The following MYO16 variants were observed in gnomAD, a reference collection of about 807,000 sequenced individuals.
The protein encoded by MYO16 is myosin XVI, also known as unconventional myosin-XVI.
MYO16 carries 94 observed loss-of-function variants against 205.3 expected under a neutral mutation model. The ratio of observed to expected loss-of-function variants is 0.46; its 90% CI spans 0.39 to 0.54. The LOEUF (loss-of-function observed/expected upper bound fraction) is 0.54, where lower values mean the gene tolerates loss of function less well. MYO16 is among the 20% of genes least tolerant of loss of function. The pLI, the probability that MYO16 is intolerant of heterozygous loss-of-function variation, is 0.00. For missense variants in MYO16, 2,315 were observed against 2,387.5 expected (o/e 0.97, Z 0.63); for synonymous variants, 988 against 954.0 (o/e 1.04, Z -0.66).
chr13:108,839,388 A>G (rs1877113338), intron 9 of MYO16, among the ~76,000 whole-genome samples: 1 of 152,156 alleles, frequency 6.6e-6, no homozygotes, highest in Non-Finnish European at 1.5e-5. Context: ...TGAAATTTTT[A>G]TGAGCATTAT....
chr13:109,018,961 T>G (rs1394217259), intron 22 of MYO16, among the ~76,000 whole-genome samples: 1 of 146,690 alleles, frequency 6.8e-6, no homozygotes, highest in Non-Finnish European at 1.5e-5. Context: ...GGACATACTC[T>G]GTTTTTTTTT....
chr13:108,853,673 G>A (rs909603649), intron 10 of MYO16, among the ~76,000 whole-genome samples: 29 of 147,826 alleles, frequency 2.0e-4, no homozygotes, highest in African/African-American at 6.5e-4. Context: ...CATGACTCAC[G>A]GCAGCCTCAA....
intron 4 of MYO16, among the ~76,000 whole-genome samples, chr13:108,755,963 T>G (rs539368605): frequency 1.3e-5 from 2 of 152,302 alleles, no homozygotes; most frequent in East Asian, 3.9e-4. Context: ...GTTACTTCTG[T>G]GTTATATTGT....
chr13:108,676,842 C>A lies in MYO16; in HGVS notation c.292+10693C>A, dbSNP rs1228505966. Among the ~76,000 whole-genome samples the A allele has an allele frequency of 4.6e-5, 7 of 152,064 alleles. No individual in the cohort carries two copies. In the East Asian group the frequency reaches 1.4e-3, roughly 29 times the overall value. ...CTACTGTGTCTTTGCTCCAGGGATT[C>A]CCCAACCCGCCAGGAACACCCTTCC... On this transcript the variant is annotated intron_variant, in intron 2 of 34. Coordinates refer to ENST00000457511, the MANE Select transcript of MYO16 (RefSeq NM_001198950.3).
intron 4 of MYO16, among the ~76,000 whole-genome samples, chr13:108,751,355 A>G (rs1885232316): frequency 6.6e-6 from 1 of 152,176 alleles, no homozygotes; most frequent in Non-Finnish European, 1.5e-5. Flanking sequence ...CAATTGAAAG[A>G]CCAATGGCTC....
At chr13:108,679,763 C>A (rs1215976276) in intron 2 of MYO16, among the ~76,000 whole-genome samples, 1 of 151,068 alleles carries the variant, frequency 6.6e-6, no homozygotes, top group African/African-American at 2.4e-5. Context: ...AATAAAAAAT[C>A]TTGTAATAAT....
chr13:108,542,118 C>T, the MYO16 span, among the ~76,000 whole-genome samples: 1 of 152,032 alleles, frequency 6.6e-6, no homozygotes, highest in Non-Finnish European at 1.5e-5. Context: ...ACATCATGGA[C>T]CATGGAATAC....
chr13:108,666,219 T>A, intron 2 of MYO16, 70 bp downstream of exon 2: 1 of 1,468,944 alleles, frequency 6.8e-7, no homozygotes, highest in Admixed American at 2.3e-5. Flanking sequence ...TGGTTTGTTG[T>A]TTTTTTGATG....
intron 16 of MYO16, among the ~76,000 whole-genome samples, chr13:108,939,268 A>G (rs924628696): frequency 6.6e-6 from 1 of 152,172 alleles, no homozygotes; most frequent in Non-Finnish European, 1.5e-5. Flanking sequence ...TCCGCCAGGT[A>G]ACTCCCCGAG....
chr13:109,204,116 G>A (rs1237145672), intron 34 of MYO16, among the ~76,000 whole-genome samples: 1 of 152,168 alleles, frequency 6.6e-6, no homozygotes, highest in African/African-American at 2.4e-5. Flanking sequence ...AGAATTTCCT[G>A]ATGTTTTAGA....
intron 21 of MYO16, among the ~76,000 whole-genome samples, chr13:108,996,284 A>G (rs183982226): frequency 1.3e-5 from 2 of 152,318 alleles, no homozygotes; most frequent in East Asian, 3.9e-4. Context: ...AGGACAAACA[A>G]CTGACTTCTT....
intron 16 of MYO16, among the ~76,000 whole-genome samples, chr13:108,951,008 G>A (rs953565941): frequency 2.6e-5 from 4 of 151,946 alleles, no homozygotes; most frequent in African/African-American, 9.7e-5. Context: ...ACAGATGTAG[G>A]GATGATTTAA....
intron 16 of MYO16, among the ~76,000 whole-genome samples, chr13:108,914,501 CA>C (rs1462431749): frequency 6.6e-6 from 1 of 152,058 alleles, no homozygotes; most frequent in African/African-American, 2.4e-5. Flanking sequence ...CCTTCAAATT[CA>C]TTCTCTCTCT....
intron 20 of MYO16, among the ~76,000 whole-genome samples, chr13:108,976,847 G>A (rs531463584): frequency 3.3e-5 from 5 of 152,176 alleles, no homozygotes; most frequent in African/African-American, 7.2e-5. Context: ...AGGAATCCAG[G>A]CAAGCAACCC....
rs374673153 is a variant in MYO16 at position 108,823,958 on chromosome 13, A to G, written c.1097+680A>G. Among the ~76,000 whole-genome samples, 48 of 152,244 alleles carry G rather than the reference A, an allele frequency of 3.2e-4. 1 individual carries two copies. The South Asian group carries it at 9.9e-3, about 32-fold the overall frequency. ...ATTCATTCATTTTCAAATATCTGAA[A>G]TATTTGTTCGGAATCTACTGACTGT... On this transcript the variant is annotated intron_variant, in intron 9 of 34. Transcript: ENST00000457511.
chr13:108,524,009 T>A, the MYO16 span, among the ~76,000 whole-genome samples: 2 of 152,142 alleles, frequency 1.3e-5, no homozygotes, highest in African/African-American at 4.8e-5. Context: ...TTTATAAGTG[T>A]GTGGCACTGG....
intron 23 of MYO16, among the ~76,000 whole-genome samples, chr13:109,022,872 T>TA (rs1229031082): frequency 1.5e-5 from 2 of 135,768 alleles, no homozygotes; most frequent in Admixed American, 7.9e-5. Flanking sequence ...TATATAAACA[T>TA]GTATATATTT....
the MYO16 span, among the ~76,000 whole-genome samples, chr13:108,537,027 C>T: frequency 2.0e-5 from 3 of 152,074 alleles, no homozygotes; most frequent in Non-Finnish European, 4.4e-5. Flanking sequence ...TACATGGATA[C>T]ATTGGAAAAT....
intron 4 of MYO16, among the ~76,000 whole-genome samples, chr13:108,736,609 T>A (rs1884710490): frequency 6.6e-6 from 1 of 152,318 alleles, no homozygotes; most frequent in Admixed American, 6.5e-5. Context: ...TTGCTTAGGA[T>A]TGTCTTGGCA....
Sources: gnomAD v4.1 joint callset for allele counts (sites outside exome capture counted in the v4.1 genomes callset) on GRCh38, gnomAD v4.1.1 for gene constraint, MANE v1.5 for transcripts, NCBI Gene and HGNC (gene_info 2026-07-23, HGNC 2026-07-21) for gene names.